Variants in PPP1R12B observed in about 807,000 individuals in gnomAD.
The protein encoded by PPP1R12B is protein phosphatase 1 regulatory subunit 12B.
A neutral mutation model predicts 126.1 loss-of-function variants in PPP1R12B; 76 were observed. That is an observed-to-expected ratio of 0.60 (90% confidence interval 0.50 to 0.73). The LOEUF is 0.73. Among genes scored for constraint, PPP1R12B ranks in the 30% least tolerant of loss-of-function variants. PPP1R12B has a pLI of 0.00. For synonymous variants in PPP1R12B, 356 were observed against 434.7 expected, an observed-to-expected ratio of 0.82 and a Z score of 2.25; for missense variants, 1,052 against 1,205.1, an observed-to-expected ratio of 0.87 and a Z score of 1.88.
At chr1:202,580,356 G>A in intron 23 of PPP1R12B, 118 bp from the exon 24 acceptor site, 2 of 713,160 alleles carry the variant, frequency 2.8e-6, no homozygotes, top group Non-Finnish European at 2.5e-6. Context: ...GACCATGAGA[G>A]TTTATTCCAC....
Position 202,419,140 on chromosome 1 carries a change from T to G in PPP1R12B, c.422+2223T>G, listed in dbSNP as rs1352311719. 6.6e-6 allele frequency among the ~76,000 whole-genome samples: 1 copy of G among 152,206 alleles called. No individual in the cohort carries two copies. Among genetic ancestry groups the G allele is most frequent in the East Asian group, 1.9e-4 (1 of 5,204 alleles). ...TCCTCATTTTAAAATGAGTTCAGGC[T>G]CAATGCTAGTTAGCTGGGTGTTTTT... On this transcript the variant is annotated intron_variant, in intron 2 of 23. Transcript: ENST00000608999. This position sits in a 1 kb window ranked among gnomAD's most constrained non-coding sequence, Gnocchi z 4.6.
intron 1 of PPP1R12B, among the ~76,000 whole-genome samples, chr1:202,379,764 A>G (rs1388020778): frequency 6.6e-6 from 1 of 152,202 alleles, no homozygotes; most frequent in Non-Finnish European, 1.5e-5. Flanking sequence ...TTAAAAAACA[A>G]TCCATCATTG....
intron 8 of PPP1R12B, among the ~76,000 whole-genome samples, chr1:202,434,430 T>C (rs113092693): frequency 5.6e-4 from 85 of 152,302 alleles, no homozygotes; most frequent in African/African-American, 1.9e-3. Flanking sequence ...AGTTTTTATC[T>C]GAAAGTTGGA....
At chr1:202,377,840 T>TG (rs1246467537) in intron 1 of PPP1R12B, among the ~76,000 whole-genome samples, 1 of 46,560 alleles carries the variant, frequency 2.1e-5, no homozygotes, top group Non-Finnish European at 6.1e-5. Context: ...GTGTTTTTTT[T>TG]TTTTTTTTTT....
chr1:202,368,711 T>A (rs1402075318), intron 1 of PPP1R12B, among the ~76,000 whole-genome samples: 4 of 152,114 alleles, frequency 2.6e-5, no homozygotes, highest in Non-Finnish European at 5.9e-5. Context: ...ATAAGCCATA[T>A]AAAATGCCTT....
intron 1 of PPP1R12B, among the ~76,000 whole-genome samples, chr1:202,352,871 G>A (rs1656276674): frequency 7.0e-6 from 1 of 142,018 alleles, no homozygotes; most frequent in Admixed American, 7.5e-5. Context: ...CTGGGTAAAA[G>A]AGTGAGACTC....
At chr1:202,488,791 G>C (rs1262092307) in intron 14 of PPP1R12B, among the ~76,000 whole-genome samples, 168 bp downstream of exon 14, 2 of 152,170 alleles carry the variant, frequency 1.3e-5, no homozygotes, top group African/African-American at 4.8e-5. Context: ...AGCAATTTGG[G>C]AGGCCAAGGA....
chr1:202,369,522 A>G (rs562272769), intron 1 of PPP1R12B: 2 of 154,470 alleles, frequency 1.3e-5, no homozygotes, highest in South Asian at 1.9e-4. Context: ...CATGTGGTCA[A>G]TTATTACTGA....
chr1:202,395,209 A>G (rs998729372), intron 1 of PPP1R12B, among the ~76,000 whole-genome samples: 1 of 151,946 alleles, frequency 6.6e-6, no homozygotes, highest in African/African-American at 2.4e-5. Flanking sequence ...GAAGTTAGGA[A>G]CCCACAGCAT....
intron 18 of PPP1R12B, among the ~76,000 whole-genome samples, chr1:202,536,991 G>A (rs753383612): frequency 2.0e-5 from 3 of 152,098 alleles, no homozygotes; most frequent in Non-Finnish European, 4.4e-5. Context: ...TACAGTTAAC[G>A]TTTTTATATA....
chr1:202,553,063 T>C (rs913843931), intron 18 of PPP1R12B, among the ~76,000 whole-genome samples: 4 of 152,236 alleles, frequency 2.6e-5, no homozygotes, highest in Non-Finnish European at 4.4e-5. Flanking sequence ...ATCTTCATTC[T>C]GTTCTTTTAT....
chr1:202,383,683 C>A (rs1392893261), intron 1 of PPP1R12B, among the ~76,000 whole-genome samples: 1 of 151,916 alleles, frequency 6.6e-6, no homozygotes, highest in Non-Finnish European at 1.5e-5. Context: ...AAGATCCCAC[C>A]CTTGCACTCC....
intron 1 of PPP1R12B, among the ~76,000 whole-genome samples, chr1:202,361,342 A>G (rs376464566): frequency 1.3e-5 from 2 of 152,260 alleles, no homozygotes; most frequent in African/African-American, 2.4e-5. Flanking sequence ...GCATCTGCTC[A>G]TGGTGAGGGC....
In PPP1R12B at chr1:202,565,213, A is replaced by T. The variant is rs1687945096; in HGVS notation, c.2757+666A>T. ...GGATGCTGGAGGTAATAACCTTGTCACCAGTGAAACAAACTCCGCAGCTGA... is the reference window on the plus strand; with the variant it reads ...GGATGCTGGAGGTAATAACCTTGTCTCCAGTGAAACAAACTCCGCAGCTGA... On this transcript the variant is annotated intron_variant, in intron 21 of 23. Coordinates refer to ENST00000608999, the MANE Select transcript of PPP1R12B (RefSeq NM_002481.4). This position sits in a 1 kb window ranked among gnomAD's most constrained non-coding sequence, Gnocchi z 4.3. Among the ~76,000 whole-genome samples, 1 of 152,212 alleles carries T rather than the reference A, an allele frequency of 6.6e-6. No homozygotes were observed. The highest frequency in any genetic ancestry group is 6.5e-5 in the Admixed American group (1 of 15,278).
rs747871828 is a variant in PPP1R12B at position 202,431,461 on chromosome 1, G to A, written c.1002-19G>A. ...ATTATCATTTCTGAATTATACTCAA[G>A]TTGTCATCTTTAATTTAGCAAAGAG... On this transcript the variant is annotated intron_variant, in intron 7 of 23. Transcript: ENST00000608999. 7 of 1,577,276 alleles carry A rather than the reference G, an allele frequency of 4.4e-6. No homozygotes were observed. The Admixed American group carries it at 9.7e-5, about 22-fold the overall frequency.
chr1:202,353,321 T>G (rs1052712387), intron 1 of PPP1R12B, among the ~76,000 whole-genome samples: 2 of 152,232 alleles, frequency 1.3e-5, no homozygotes, highest in Non-Finnish European at 2.9e-5. Flanking sequence ...TGATGAATTC[T>G]GCTTAGTGTC....
At chr1:202,519,730 C>T (rs1335904661) in intron 18 of PPP1R12B, among the ~76,000 whole-genome samples, 2 of 152,188 alleles carry the variant, frequency 1.3e-5, no homozygotes, top group Admixed American at 6.5e-5. Flanking sequence ...TATCCTGTAA[C>T]TTTGCTGCAT....
At chr1:202,474,140 A>C (rs1433255942) in intron 13 of PPP1R12B, among the ~76,000 whole-genome samples, 1 of 152,118 alleles carries the variant, frequency 6.6e-6, no homozygotes, top group Non-Finnish European at 1.5e-5. Flanking sequence ...AAAGGTGGGA[A>C]CCCCAGCATT....
intron 1 of PPP1R12B, among the ~76,000 whole-genome samples, chr1:202,355,782 C>T (rs1242818920): frequency 6.6e-6 from 1 of 152,168 alleles, no homozygotes; most frequent in Non-Finnish European, 1.5e-5. Flanking sequence ...TAGTACAATT[C>T]TAGCTTGTGA....
Sources: allele counts gnomAD v4.1 joint callset (sites outside exome capture counted in the v4.1 genomes callset), GRCh38; gene constraint gnomAD v4.1.1; non-coding constraint Gnocchi (gnomAD v3.1); transcripts MANE v1.5; gene names NCBI Gene and HGNC (gene_info 2026-07-23, HGNC 2026-07-21).